WNT5A: variants seen among roughly 807,000 people sequenced by gnomAD.
WNT5A encodes the protein protein Wnt-5a.
In WNT5A, 9 loss-of-function variants were observed where a neutral mutation model predicts 42.1. The observed-to-expected ratio is 0.21, with a 90% CI of 0.13 to 0.37. The LOEUF (loss-of-function observed/expected upper bound fraction) is 0.37, where lower values mean the gene tolerates loss of function less well. Ranked by LOEUF, WNT5A falls within the 10% of genes least tolerant of loss-of-function variation. The pLI, the probability that WNT5A is intolerant of heterozygous loss-of-function variation, is 1.00. For missense variants in WNT5A, 426 were observed against 534.0 expected (o/e 0.80, Z 1.99); for synonymous variants, 210 against 210.0 (o/e 1.00, Z 0.00).
At chr3:55,499,254 C>G in the WNT5A span, among the ~76,000 whole-genome samples, 12 of 152,272 alleles carry the variant, frequency 7.9e-5, no homozygotes, top group East Asian at 2.1e-3. Flanking sequence ...AGGAAGAAAC[C>G]ACGGGAAGTG....
At chr3:55,473,440 TA>T (rs1473512142) in intron 4 of WNT5A, among the ~76,000 whole-genome samples, 1 of 152,202 alleles carries the variant, frequency 6.6e-6, no homozygotes, top group Non-Finnish European at 1.5e-5. Flanking sequence ...AAAGCAGCCA[TA>T]AAGTGCCATG....
chr3:55,479,134 T>G lies in WNT5A; in HGVS notation c.391+180A>C, dbSNP rs2051408601. 3 of 518,802 alleles carry G rather than the reference T, an allele frequency of 5.8e-6. No individual in the cohort carries two copies. In the Admixed American group the frequency reaches 1.2e-4, roughly 21 times the overall value. 32.1% of individuals were successfully genotyped at this position (518,802 alleles called of 1,614,324 possible). A position where few individuals can be genotyped will look rare whatever the true frequency, so the allele number is the denominator to read the frequency against. Reference sequence around the variant, plus strand: ...TGATTTGATTAAAATCCAAAACTTATCATCAGGTGTAGGGACAGGAATTAA... The same window carrying G: ...TGATTTGATTAAAATCCAAAACTTAGCATCAGGTGTAGGGACAGGAATTAA... On this transcript the variant is annotated intron_variant, in intron 3 of 4. Coordinates refer to ENST00000264634, the MANE Select transcript of WNT5A (RefSeq NM_003392.7).
At chr3:55,481,174 A>G in intron 1 of WNT5A, 2 of 677,190 alleles carry the variant, frequency 3.0e-6, no homozygotes, top group East Asian at 4.7e-5. Context: ...ACGTGTCTCA[A>G]TTCTGTTGAG....
the WNT5A span, among the ~76,000 whole-genome samples, chr3:55,496,225 A>G: frequency 1.3e-5 from 2 of 152,202 alleles, no homozygotes; most frequent in South Asian, 2.1e-4. Flanking sequence ...AAATCTCTCA[A>G]TGAATCAGTG....
chr3:55,477,879 T>C (rs1359010040), intron 3 of WNT5A, among the ~76,000 whole-genome samples: 2 of 152,120 alleles, frequency 1.3e-5, no homozygotes, highest in Non-Finnish European at 2.9e-5. Context: ...CTCATATACA[T>C]GTGAAAAAGT....
the WNT5A span, among the ~76,000 whole-genome samples, chr3:55,498,535 A>T: frequency 6.6e-6 from 1 of 152,330 alleles, no homozygotes; most frequent in East Asian, 1.9e-4. Context: ...ACAAAGGATT[A>T]TGACAGCTAC....
rs372797186 is a variant in WNT5A at position 55,485,524 on chromosome 3, G to C, written c.6+1456C>G. Among the ~76,000 whole-genome samples the C allele has an allele frequency of 2.4e-4, 36 of 152,120 alleles. No homozygotes were observed. The Middle Eastern group carries it at 0.01, about 43-fold the overall frequency. On this transcript the variant is annotated intron_variant, in intron 1 of 4. Coordinates refer to ENST00000264634, the MANE Select transcript of WNT5A (RefSeq NM_003392.7). The stretch of plus-strand genomic sequence containing the variant: ...ACACACGCACACACACGCAGCCAAG[G>C]ATCCACACACTCGGACACACACACA...
chr3:55,501,376 A>C, the WNT5A span, among the ~76,000 whole-genome samples: 1 of 152,226 alleles, frequency 6.6e-6, no homozygotes, highest in African/African-American at 2.4e-5. Flanking sequence ...TATTCATTTT[A>C]CCTAGTTCTT....
At chr3:55,484,903 A>C (rs2051546952) in intron 1 of WNT5A, among the ~76,000 whole-genome samples, 1 of 152,212 alleles carries the variant, frequency 6.6e-6, no homozygotes, top group Admixed American at 6.5e-5. Flanking sequence ...AAGTGAGGCG[A>C]AAAGCGGGAA....
chr3:55,494,614 C>G (rs571690099), upstream of WNT5A, among the ~76,000 whole-genome samples: 2 of 152,298 alleles, frequency 1.3e-5, no homozygotes, highest in Non-Finnish European at 2.9e-5. Flanking sequence ...TCTTAGCTCA[C>G]TACAACCTCT....
the WNT5A span, among the ~76,000 whole-genome samples, chr3:55,501,973 A>C: frequency 6.6e-6 from 1 of 152,210 alleles, no homozygotes; most frequent in Non-Finnish European, 1.5e-5. Flanking sequence ...CGTTATTATC[A>C]AAAGGAAAAT....
chr3:55,474,896 G>A (rs2051326137), intron 3 of WNT5A, among the ~76,000 whole-genome samples: 1 of 130,892 alleles, frequency 7.6e-6, no homozygotes, highest in Admixed American at 7.6e-5. Flanking sequence ...AGGTAGGGCT[G>A]GGGGGAGGTT....
At chr3:55,485,082 A>G (rs1046223198) in intron 1 of WNT5A, among the ~76,000 whole-genome samples, 2 of 151,758 alleles carry the variant, frequency 1.3e-5, no homozygotes, top group Non-Finnish European at 2.9e-5. Context: ...TCCGTATTGC[A>G]GCGGCCGGCG....
At chr3:55,500,640 C>T in the WNT5A span, among the ~76,000 whole-genome samples, 2 of 152,130 alleles carry the variant, frequency 1.3e-5, no homozygotes, top group Non-Finnish European at 2.9e-5. Flanking sequence ...CTGTTTGACC[C>T]CAAAAGTCTA....
In WNT5A at chr3:55,467,882, T is replaced by G. The variant is rs1020540032; in HGVS notation, c.*2210A>C. On this transcript the variant is annotated 3_prime_UTR_variant, in exon 5 of 5. Transcript: ENST00000264634. ...AAAGTACTTCATGGTTTTTGTATAA[T>G]AAAAACCAAAAAAGTGACATTTTAA... is the stretch of plus-strand genomic sequence containing the variant. 2 of 152,140 alleles carry G rather than the reference T, an allele frequency of 1.3e-5. No homozygotes were observed. Among genetic ancestry groups the G allele is most frequent in the Non-Finnish European group, 2.9e-5 (2 of 67,984 alleles). 9.4% of individuals were successfully genotyped at this position (152,140 alleles called of 1,614,324 possible). A position where few individuals can be genotyped will look rare whatever the true frequency, so the allele number is the denominator to read the frequency against.
chr3:55,476,961 GC>G (rs2051368791), intron 3 of WNT5A, among the ~76,000 whole-genome samples: 1 of 152,200 alleles, frequency 6.6e-6, no homozygotes, highest in Non-Finnish European at 1.5e-5. Context: ...TGAAGAGTGG[GC>G]CCTTCATGAA....
chr3:55,502,835 A>C, the WNT5A span, among the ~76,000 whole-genome samples: 1 of 152,262 alleles, frequency 6.6e-6, no homozygotes, highest in African/African-American at 2.4e-5. Flanking sequence ...AGATGTGTGA[A>C]TATGTAGCAT....
Position 55,479,362 on chromosome 3 carries a change from A to C in WNT5A, c.343T>G (p.Cys115Gly), listed in dbSNP as rs1157131307. The C allele has an allele frequency of 6.8e-6, 11 of 1,613,372 alleles. No homozygotes were observed. The highest frequency in any genetic ancestry group is 9.3e-6 in the Non-Finnish European group (11 of 1,179,522). Residue 115 changes from cysteine (C) to glycine (G), a missense_variant, in exon 3 of 5, where the codon TGC becomes GGC. Physicochemically the swap from Cys to Gly is radical, Grantham distance 159 (BLOSUM62 -3). Coordinates refer to ENST00000264634, the MANE Select transcript of WNT5A (RefSeq NM_003392.7). Reference protein sequence around the residue: ...QYQFRHRRWNCSTVDNTSVFG... With the variant: ...QYQFRHRRWNGSTVDNTSVFG... ...ACAGAGGTGTTATCCACAGTGCTGC[A>C]GTTCCACCTTCGATGTCGGAATTGA...
At position 55,470,282 on chromosome 3, in the gene WNT5A, A is replaced by G; in HGVS notation, c.953T>C (p.Leu318Pro). ...GTTGCACAGGCGGCCCTGCGTGCCC[A>G]GCGAGCCGGTGCTCTCATTGCGCAC... ...YCVRNESTGS[L>P]GTQGRLCNKT... Residue 318 changes from leucine (L) to proline (P), a missense_variant, in exon 5 of 5, where the codon CTG becomes CCG. This residue lies in a region of WNT5A where 358 missense variants were observed against 468.1 expected (regional missense o/e 0.76). Coordinates refer to ENST00000264634, the MANE Select transcript of WNT5A (RefSeq NM_003392.7). The G allele has an allele frequency of 1.2e-6, 2 of 1,613,964 alleles. No individual in the cohort carries two copies. Among genetic ancestry groups the G allele is most frequent in the Non-Finnish European group, 8.5e-7 (1 of 1,179,902 alleles).
Sources: allele counts gnomAD v4.1 joint callset (sites outside exome capture counted in the v4.1 genomes callset), GRCh38; gene constraint gnomAD v4.1.1; regional missense constraint gnomAD v4.1.1; transcripts MANE v1.5; gene names NCBI Gene and HGNC (gene_info 2026-07-23, HGNC 2026-07-21).